Variants in NFASC observed in about 807,000 individuals in gnomAD.
The protein encoded by NFASC is neurofascin.
A neutral mutation model predicts 147.5 loss-of-function variants in NFASC; 43 were observed. The observed-to-expected ratio is 0.29, with a 90% CI of 0.23 to 0.38. NFASC has a LOEUF of 0.38. Ranked by LOEUF, NFASC falls within the 10% of genes least tolerant of loss-of-function variation. The probability of loss-of-function intolerance (pLI) is 1.00; values close to 1 mark genes in which losing one functional copy is unlikely to be tolerated. For synonymous variants in NFASC, 622 were observed against 665.5 expected, an observed-to-expected ratio of 0.93 and a Z score of 1.01; for missense variants, 1,320 against 1,689.0, an observed-to-expected ratio of 0.78 and a Z score of 3.83.
rs775303455 is a variant in NFASC, at chr1:204,979,081, C to A, written c.1978+12C>A. The A allele has an allele frequency of 8.5e-5, 131 of 1,544,088 alleles. No homozygotes were observed. Among genetic ancestry groups the A allele is most frequent in the Non-Finnish European group, 1.1e-4 (127 of 1,140,292 alleles). On this transcript the variant is annotated intron_variant, in intron 18 of 29. Coordinates refer to ENST00000339876, the MANE Select transcript of NFASC (RefSeq NM_001005388.3). The surrounding 1 kb of genome is among the most constrained non-coding windows in gnomAD (Gnocchi z 6.0). ...CAGCCCCATCACAGGTAGCTCAGGG[C>A]CTTGCACCCCAAAGCTGGAAAAGAG... is the stretch of plus-strand genomic sequence containing the variant.
At chr1:204,829,200 G>A (rs1299208219) in intron 1 of NFASC, among the ~76,000 whole-genome samples, 1 of 146,844 alleles carries the variant, frequency 6.8e-6, no homozygotes, top group African/African-American at 2.5e-5. Flanking sequence ...GCCCCTTCTT[G>A]CCTCCCCTAT....
At chr1:204,905,896 G>A (rs144690510) in intron 1 of NFASC, among the ~76,000 whole-genome samples, 15 of 152,258 alleles carry the variant, frequency 9.9e-5, no homozygotes, top group Non-Finnish European at 1.9e-4. Context: ...CAACAGATAA[G>A]AAATCCTTTG....
At chr1:204,923,934 G>C (rs1340225878) in intron 2 of NFASC, among the ~76,000 whole-genome samples, 2 of 152,304 alleles carry the variant, frequency 1.3e-5, no homozygotes, top group Non-Finnish European at 2.9e-5. Flanking sequence ...TCCACCAGAG[G>C]CTGGGCTGTT....
intron 1 of NFASC, among the ~76,000 whole-genome samples, chr1:204,852,570 T>C (rs1320227360): frequency 6.6e-6 from 1 of 152,194 alleles, no homozygotes; most frequent in African/African-American, 2.4e-5. Context: ...CATCTTAGGA[T>C]GTGTTTAAGC....
At chr1:204,831,939 A>G (rs962370906) in intron 1 of NFASC, among the ~76,000 whole-genome samples, 1 of 152,176 alleles carries the variant, frequency 6.6e-6, no homozygotes, top group African/African-American at 2.4e-5. Flanking sequence ...CCGGATAGGG[A>G]TGTTACACAG....
At chr1:204,984,255 T>C (rs1009393829) in intron 21 of NFASC, 61 of 699,546 alleles carry the variant, frequency 8.7e-5, no homozygotes, top group Non-Finnish European at 1.4e-4. Context: ...GTTTATTGAA[T>C]CCAGGGTTGA....
intron 11 of NFASC, among the ~76,000 whole-genome samples, chr1:204,972,840 G>A (rs141519488): frequency 3.5e-4 from 54 of 152,278 alleles, no homozygotes; most frequent in African/African-American, 1.3e-3. Context: ...TCATCATTTT[G>A]TACATGCATA....
At chr1:204,847,835 G>A (rs937337199) in intron 1 of NFASC, among the ~76,000 whole-genome samples, 2 of 152,110 alleles carry the variant, frequency 1.3e-5, no homozygotes, top group African/African-American at 4.8e-5. Flanking sequence ...GTGGTGAGGG[G>A]AATATTGTTC....
At chr1:204,886,119 T>G (rs989956786) in intron 1 of NFASC, among the ~76,000 whole-genome samples, 4 of 152,208 alleles carry the variant, frequency 2.6e-5, no homozygotes, top group Admixed American at 1.3e-4. Flanking sequence ...AGGCTCAAGC[T>G]AAATGAAGAT....
In NFASC at chr1:204,925,442, C is replaced by T. The variant is rs78844664; in HGVS notation, c.-91+4702C>T. On this transcript the variant is annotated intron_variant, in intron 2 of 29. Coordinates refer to ENST00000339876, the MANE Select transcript of NFASC (RefSeq NM_001005388.3). ...GCTTCCTTGTGAGACTAAATCTCTG[C>T]ATCTTGTCTGGTATGTTTCCCCTGG... 8.3e-3 allele frequency among the ~76,000 whole-genome samples: 1,261 copies of T among 152,302 alleles called. 13 individuals carry two copies. The highest frequency in any genetic ancestry group is 0.026 in the African/African-American group (1,087 of 41,558).
At position 204,843,836 on chromosome 1, in the gene NFASC, C is replaced by T. The variant is rs565029598; in HGVS notation, c.-200+15054C>T. On this transcript the variant is annotated intron_variant, in intron 1 of 29. Transcript: ENST00000339876. ...AAGCGATTCTCCTGCCTTAGCCTCCCGAGTAGCTGGGATTACAGGCATGCA... is the reference window on the plus strand; with the variant it reads ...AAGCGATTCTCCTGCCTTAGCCTCCTGAGTAGCTGGGATTACAGGCATGCA... Among the ~76,000 whole-genome samples, 4 of 152,080 alleles carry T rather than the reference C, an allele frequency of 2.6e-5. No homozygotes were observed. In the South Asian group the frequency reaches 6.2e-4, roughly 24 times the overall value.
At chr1:204,831,004 G>A (rs879869001) in intron 1 of NFASC, among the ~76,000 whole-genome samples, 4 of 152,174 alleles carry the variant, frequency 2.6e-5, no homozygotes, top group Non-Finnish European at 5.9e-5. Flanking sequence ...CCTCTCCAGC[G>A]TGAGAGGGGG....
intron 1 of NFASC, among the ~76,000 whole-genome samples, chr1:204,858,149 A>T (rs1572105148): frequency 6.6e-6 from 1 of 151,170 alleles, no homozygotes. Context: ...TGAACTCCTA[A>T]CCTCAGGTGA....
At chr1:204,899,954 G>A (rs750199373) in intron 1 of NFASC, among the ~76,000 whole-genome samples, 8 of 152,132 alleles carry the variant, frequency 5.3e-5, no homozygotes, top group Non-Finnish European at 1.0e-4. Context: ...TCTGTAAAGC[G>A]GGTGTCATGA....
At chr1:204,882,310 C>G (rs1359106635) in intron 1 of NFASC, among the ~76,000 whole-genome samples, 2 of 152,182 alleles carry the variant, frequency 1.3e-5, no homozygotes. Flanking sequence ...TCTGGCCCTC[C>G]CTACCCTGCC....
In NFASC at chr1:204,975,665, C is replaced by T. The variant is rs1219882746; in HGVS notation, c.1706+247C>T. ...CTTCTCTCTCCTACACCTCCTCTCT[C>T]TCCCTCTTCTCAATCTCTTCACTTC... On this transcript the variant is annotated intron_variant, in intron 15 of 29. Coordinates refer to ENST00000339876, the MANE Select transcript of NFASC (RefSeq NM_001005388.3). This position sits in a 1 kb window ranked among gnomAD's most constrained non-coding sequence, Gnocchi z 4.0. Among the ~76,000 whole-genome samples the T allele has an allele frequency of 6.6e-6, 1 of 152,116 alleles. No homozygotes were observed. Among genetic ancestry groups the T allele is most frequent in the African/African-American group, 2.4e-5 (1 of 41,426 alleles).
At chr1:204,926,782 A>G (rs2091681452) in intron 2 of NFASC, among the ~76,000 whole-genome samples, 1 of 151,798 alleles carries the variant, frequency 6.6e-6, no homozygotes, top group African/African-American at 2.4e-5. Flanking sequence ...TATATAAATT[A>G]TAGAATTCAG....
chr1:204,957,677 A>G lies in NFASC; in HGVS notation c.557A>G (p.Asp186Gly), dbSNP rs1426032925. The G allele has an allele frequency of 3.7e-6, 6 of 1,614,162 alleles. No homozygotes were observed. The highest frequency in any genetic ancestry group is 2.2e-5 in the South Asian group (2 of 91,078). The change falls in exon 8 of 30, where the codon GAC (aspartate) becomes GGC (glycine). Residue 186 changes from aspartate to glycine, a missense_variant. By Grantham distance (94) the Asp-to-Gly change is moderately conservative. Around this residue, in one of 3 missense-constraint regions of NFASC, gnomAD observed 981 missense variants for 1,289.5 expected, o/e 0.76. Transcript: ENST00000339876. Reference sequence around the variant, plus strand: ...ATAGCCATGGAGCCCATCACCCAAGACAAACGTGTCTCTCAGGGCCATAAC... The same window carrying G: ...ATAGCCATGGAGCCCATCACCCAAGGCAAACGTGTCTCTCAGGGCCATAAC... ...MSSSMEPITQ[D>G]KRVSQGHNGD...
intron 1 of NFASC, among the ~76,000 whole-genome samples, chr1:204,870,203 A>G (rs2077478920): frequency 6.6e-6 from 1 of 152,182 alleles, no homozygotes; most frequent in South Asian, 2.1e-4. Context: ...TGCAGAAGAT[A>G]GGGACAAGGG....
Sources: allele counts gnomAD v4.1 joint callset (sites outside exome capture counted in the v4.1 genomes callset), GRCh38; gene constraint gnomAD v4.1.1; regional missense constraint gnomAD v4.1.1; non-coding constraint Gnocchi (gnomAD v3.1); transcripts MANE v1.5; gene names NCBI Gene and HGNC (gene_info 2026-07-23, HGNC 2026-07-21).